Variants in ADCY6 observed in about 807,000 individuals in gnomAD.
ADCY6 encodes adenylate cyclase type 6.
Under a neutral mutation model 111.6 loss-of-function variants are expected in ADCY6, and 59 were observed. That is an observed-to-expected ratio of 0.53 (90% CI 0.43 to 0.66). The LOEUF (loss-of-function observed/expected upper bound fraction) is 0.66. Ranked by LOEUF, ADCY6 falls within the 30% of genes least tolerant of loss-of-function variation. The probability of loss-of-function intolerance (pLI) is 0.00; values close to 1 mark genes in which losing one functional copy is unlikely to be tolerated. For synonymous variants in ADCY6, 576 were observed against 642.9 expected (o/e 0.90, Z 1.57); for missense variants, 1,242 against 1,595.6 (o/e 0.78, Z 3.78).
Position 48,777,797 on chromosome 12 carries a change from TG to T in ADCY6, c.1015-62del, listed in dbSNP as rs1941743761. The stretch of plus-strand genomic sequence containing the variant: ...CTTGGTCTCACATTGCAATCCCTCC[TG>T]GTCTCTCCACATCGCCAGAGCCCTC... On this transcript the variant is annotated intron_variant, in intron 3 of 21. Transcript: ENST00000357869. This position sits in a 1 kb window ranked among gnomAD's most constrained non-coding sequence, Gnocchi z 4.9. The T allele has an allele frequency of 6.3e-7, 1 of 1,599,100 alleles. No individual in the cohort carries two copies. Among genetic ancestry groups the T allele is most frequent in the East Asian group, 2.2e-5 (1 of 44,752 alleles).
intron 18 of ADCY6, 32 bp from the exon 19 acceptor site, chr12:48,772,005 G>A (rs754307704): frequency 4.0e-5 from 63 of 1,584,202 alleles, no homozygotes; most frequent in Admixed American, 1.6e-4. Flanking sequence ...CCCATTGCCC[G>A]ACATTCACAA....
chr12:48,788,719 C>G (rs1012862463), intron 1 of ADCY6, among the ~76,000 whole-genome samples, 187 bp downstream of exon 1: 1 of 152,064 alleles, frequency 6.6e-6, no homozygotes, highest in Admixed American at 6.5e-5. Context: ...TAGGAGTCCT[C>G]GATCCCACTG....
Position 48,768,399 on chromosome 12 carries a change from C to G in ADCY6, c.*192G>C, listed in dbSNP as rs527658229. The G allele has an allele frequency of 1.3e-5, 10 of 742,644 alleles. No individual in the cohort carries two copies. The highest frequency in any genetic ancestry group is 1.1e-4 in the African/African-American group (6 of 56,680). 46.0% of individuals were successfully genotyped at this position (742,644 alleles called of 1,614,324 possible). On this transcript the variant is annotated 3_prime_UTR_variant, in exon 22 of 22. Transcript: ENST00000357869. ...AAGAAAGTCACTTGCATAATCCTCT[C>G]GGTAGGTAGCCCCTTGTTTTCCAGC...
Position 48,783,307 on chromosome 12 carries a change from T to A in ADCY6, c.128A>T (p.Tyr43Phe). The change falls in exon 2 of 22, where the codon TAT becomes TTT. Residue 43 changes from tyrosine (Y) to phenylalanine (F), a missense_variant. By Grantham distance (22) the Tyr-to-Phe change is conservative. This residue lies in a region of ADCY6 where 362 missense variants were observed against 377.2 expected (regional missense o/e 0.96). Transcript: ENST00000357869. The part of the protein sequence containing the change: ...TRAGGFCTPR[Y>F]MSCLRDAEPP... ...CTCTGCATCCCGGAGGCAGCTCATATAGCGGGGCGTGCAGAAGCCACCTGC... is the reference window on the plus strand; with the variant it reads ...CTCTGCATCCCGGAGGCAGCTCATAAAGCGGGGCGTGCAGAAGCCACCTGC... The A allele has an allele frequency of 6.2e-7, 1 of 1,613,558 alleles. No individual in the cohort carries two copies. Among genetic ancestry groups the A allele is most frequent in the Non-Finnish European group, 8.5e-7 (1 of 1,179,832 alleles).
rs1941904753 is a variant in ADCY6 at position 48,783,310 on chromosome 12, C to T, written c.125G>A (p.Arg42His). The change falls in exon 2 of 22, where the codon CGC (arginine) becomes CAC (histidine). Residue 42 changes from arginine (R) to histidine (H), a missense_variant. Arg to His is a conservative substitution (Grantham distance 29). Coordinates refer to ENST00000357869, the MANE Select transcript of ADCY6 (RefSeq NM_015270.5). ...GTRAGGFCTPRYMSCLRDAEP... is the reference protein window; with the variant it reads ...GTRAGGFCTPHYMSCLRDAEP... The stretch of plus-strand genomic sequence containing the variant: ...TGCATCCCGGAGGCAGCTCATATAG[C>T]GGGGCGTGCAGAAGCCACCTGCCCG... 3 of 1,613,562 alleles carry T rather than the reference C, an allele frequency of 1.9e-6. No individual in the cohort carries two copies. The highest frequency in any genetic ancestry group is 1.7e-6 in the Non-Finnish European group (2 of 1,179,844).
chr12:48,788,974 CCGGCCGTCCCGCGGT>C lies in ADCY6; in HGVS notation c.-88_-74del, dbSNP rs1334202504. On this transcript the variant is annotated 5_prime_UTR_variant, in exon 1 of 22. Transcript: ENST00000357869. ...GCCCCCGCGGGCTCCGGCCGGCCGG[CCGGCCGTCCCGCGGT>C]CCTCCGAGCCCGCGCGTCCTGGCCG... 1 of 140,836 alleles carries C rather than the reference CCGGCCGTCCCGCGGT, an allele frequency of 7.1e-6. No individual in the cohort carries two copies. The highest frequency in any genetic ancestry group is 7.0e-5 in the Admixed American group (1 of 14,336). The allele number at this position is 140,836 out of a possible 1,614,324, so 8.7% of individuals were successfully genotyped here.
Position 48,768,478 on chromosome 12 carries a change from T to C in ADCY6, c.*113A>G. The C allele has an allele frequency of 1.3e-6, 2 of 1,481,772 alleles. No individual in the cohort carries two copies. The highest frequency in any genetic ancestry group is 1.2e-5 in the South Asian group (1 of 86,594). 91.8% of individuals were successfully genotyped at this position (1,481,772 alleles called of 1,614,324 possible). ...CAGCCTGCTGGGATGTTCCCTTTTG[T>C]GGTTAGCAGGGTCTGGAGGCTCAGT... On this transcript the variant is annotated 3_prime_UTR_variant, in exon 22 of 22. Transcript: ENST00000357869.
rs934456174 is a variant in ADCY6, at chr12:48,768,662, G to A, written c.3436C>T (p.Arg1146Ter). ...LAAKGYQLEC[R>*]GVVKVKGKGE... ...TTGCCCTTCACCTTGACCACCCCTC[G>A]ACACTCCAGCTGGTAGCCCTTGGCA... The change falls in exon 22 of 22, where the codon CGA becomes TGA. Residue 1146 changes from arginine to a stop codon, truncating the protein, a stop_gained. Coordinates refer to ENST00000357869, the MANE Select transcript of ADCY6 (RefSeq NM_015270.5). LOFTEE classifies it high-confidence loss of function. 1.2e-6 allele frequency: 2 copies of A among 1,614,074 alleles called. No individual in the cohort carries two copies. The highest frequency in any genetic ancestry group is 1.7e-6 in the Non-Finnish European group (2 of 1,179,982).
intron 1 of ADCY6, among the ~76,000 whole-genome samples, chr12:48,787,993 C>T (rs1942011175): frequency 6.6e-6 from 1 of 152,202 alleles, no homozygotes; most frequent in Non-Finnish European, 1.5e-5. Context: ...CCCCTGCCCT[C>T]CTTGGCAAAA....
In ADCY6 at chr12:48,777,601, TACCCTC is replaced by T. The variant is rs765733839; in HGVS notation, c.1136+8_1136+13del. On this transcript the variant is annotated splice_region_variant and intron_variant, in intron 4 of 21. Transcript: ENST00000357869. The surrounding 1 kb of genome is among the most constrained non-coding windows in gnomAD (Gnocchi z 4.9). Reference sequence around the variant, plus strand: ...CCCCCCGCCCTGCTGGGCATCCTCCTACCCTCACCCTACCTGACATTGTCATGCTTC... The same window carrying T: ...CCCCCCGCCCTGCTGGGCATCCTCCTACCCTACCTGACATTGTCATGCTTC... 25 of 1,613,282 alleles carry T rather than the reference TACCCTC, an allele frequency of 1.5e-5. No homozygotes were observed. In the Admixed American group the frequency reaches 2.3e-4, roughly 15 times the overall value.
At position 48,768,489 on chromosome 12, in the gene ADCY6, G is replaced by A. The variant is rs991189108; in HGVS notation, c.*102C>T. On this transcript the variant is annotated 3_prime_UTR_variant, in exon 22 of 22. Coordinates refer to ENST00000357869, the MANE Select transcript of ADCY6 (RefSeq NM_015270.5). ...GATGTTCCCTTTTGTGGTTAGCAGG[G>A]TCTGGAGGCTCAGTGCCCCCTGCCA... is the stretch of plus-strand genomic sequence containing the variant. 2.5e-5 allele frequency: 39 copies of A among 1,541,744 alleles called. No individual in the cohort carries two copies. The East Asian group carries it at 8.1e-4, about 32-fold the overall frequency.
chr12:48,777,842 C>A lies in ADCY6; in HGVS notation c.1015-106G>T. On this transcript the variant is annotated intron_variant, in intron 3 of 21. Transcript: ENST00000357869. This position sits in a 1 kb window ranked among gnomAD's most constrained non-coding sequence, Gnocchi z 4.9. ...AGCCCTCCTAGACTTCTCTGAAGAC[C>A]TGACCTTCCCTTCTGGACTGTGGCC... 6.6e-7 allele frequency: 1 copy of A among 1,514,332 alleles called. No individual in the cohort carries two copies. Among genetic ancestry groups the A allele is most frequent in the Admixed American group, 1.9e-5 (1 of 53,712 alleles). 93.8% of individuals were successfully genotyped at this position (1,514,332 alleles called of 1,614,324 possible). A position where few individuals can be genotyped will look rare whatever the true frequency, so the allele number is the denominator to read the frequency against.
In ADCY6 at chr12:48,771,494, A is replaced by C. The variant is rs925267606; in HGVS notation, c.3051+216T>G. On this transcript the variant is annotated intron_variant, in intron 19 of 21. Transcript: ENST00000357869. The surrounding 1 kb of genome is among the most constrained non-coding windows in gnomAD (Gnocchi z 4.3). ...CAGATCAAGTCCTCCCCTGCTCCCC[A>C]ACAGTGATGACCCTGCCCCACTAGG... is the stretch of plus-strand genomic sequence containing the variant. The C allele has an allele frequency of 3.2e-5, 23 of 713,592 alleles. No individual in the cohort carries two copies. Among genetic ancestry groups the C allele is most frequent in the Admixed American group, 8.4e-5 (4 of 47,622 alleles). 44.2% of individuals were successfully genotyped at this position (713,592 alleles called of 1,614,324 possible). A position where few individuals can be genotyped will look rare whatever the true frequency, so the allele number is the denominator to read the frequency against.
chr12:48,778,104 C>T lies in ADCY6; in HGVS notation c.1014+4G>A, dbSNP rs776296300. 27 of 1,605,660 alleles carry T rather than the reference C, an allele frequency of 1.7e-5. No individual in the cohort carries two copies. The South Asian group carries it at 3.0e-4, about 18-fold the overall frequency. The stretch of plus-strand genomic sequence containing the variant: ...CAGGCCCTGGTCACGGGGAGCAGCC[C>T]CACCTGCTGCCGATTCTCATGCTGC... On this transcript the variant is annotated splice_donor_region_variant and intron_variant, in intron 3 of 21. Transcript: ENST00000357869.
chr12:48,777,594 A>G lies in ADCY6; in HGVS notation c.1136+21T>C, dbSNP rs1374511249. ...TTCCAGACCCCCCGCCCTGCTGGGCATCCTCCTACCCTCACCCTACCTGAC... is the reference window on the plus strand; with the variant it reads ...TTCCAGACCCCCCGCCCTGCTGGGCGTCCTCCTACCCTCACCCTACCTGAC... On this transcript the variant is annotated intron_variant, in intron 4 of 21. Coordinates refer to ENST00000357869, the MANE Select transcript of ADCY6 (RefSeq NM_015270.5). This position sits in a 1 kb window ranked among gnomAD's most constrained non-coding sequence, Gnocchi z 4.9. 3.7e-6 allele frequency: 6 copies of G among 1,613,058 alleles called. No homozygotes were observed. Among genetic ancestry groups the G allele is most frequent in the Non-Finnish European group, 1.7e-6 (2 of 1,179,992 alleles).
chr12:48,773,869 C>G, intron 15 of ADCY6, 71 bp downstream of exon 15: 1 of 1,573,378 alleles, frequency 6.4e-7, no homozygotes, highest in Admixed American at 1.8e-5. Flanking sequence ...CGCCCATCAC[C>G]AGGCCTGGCA....
chr12:48,777,657 A>T lies in ADCY6; in HGVS notation c.1094T>A (p.Met365Lys). 6.2e-7 allele frequency: 1 copy of T among 1,613,334 alleles called. No individual in the cohort carries two copies. The change falls in exon 4 of 22, where the codon ATG (methionine) becomes AAG (lysine). Residue 365 changes from methionine (M) to lysine (K), a missense_variant. Physicochemically the swap from Met to Lys is moderately conservative, Grantham distance 95. Transcript: ENST00000357869. The surrounding 1 kb of genome is among the most constrained non-coding windows in gnomAD (Gnocchi z 4.9). Reference sequence around the variant, plus strand: ...CTGTATGTAGATCTTGTGGAACATCATGTCTTCTTTTTTTGTGTTGATGTC... The same window carrying T: ...CTGTATGTAGATCTTGTGGAACATCTTGTCTTCTTTTTTTGTGTTGATGTC... The part of the protein sequence containing the change: ...KEDINTKKED[M>K]MFHKIYIQKH...
rs754844927 is a variant in ADCY6 at position 48,769,109 on chromosome 12, C to T, written c.3257-48G>A. The T allele has an allele frequency of 2.7e-6, 4 of 1,505,904 alleles. No individual in the cohort carries two copies. The South Asian group carries it at 4.2e-5, about 16-fold the overall frequency. The allele number at this position is 1,505,904 out of a possible 1,614,324, so 93.3% of individuals were successfully genotyped here. A position where few individuals can be genotyped will look rare whatever the true frequency, so the allele number is the denominator to read the frequency against. On this transcript the variant is annotated intron_variant, in intron 20 of 21. Coordinates refer to ENST00000357869, the MANE Select transcript of ADCY6 (RefSeq NM_015270.5). ...AGACTAGTGGATGCTCCAGGGTAAA[C>T]CCAGGGAGTCATCCCACCTCCTGGC...
chr12:48,776,321 T>TG lies in ADCY6; in HGVS notation c.1564dup (p.Gln522ProfsTer27). The TG allele has an allele frequency of 6.2e-7, 1 of 1,614,236 alleles. No individual in the cohort carries two copies. Among genetic ancestry groups the TG allele is most frequent in the South Asian group, 1.1e-5 (1 of 91,090 alleles). On this transcript the variant is annotated frameshift_variant, in exon 8 of 22. Coordinates refer to ENST00000357869, the MANE Select transcript of ADCY6 (RefSeq NM_015270.5). LOFTEE classifies it high-confidence loss of function. The surrounding 1 kb of genome is among the most constrained non-coding windows in gnomAD (Gnocchi z 6.1). ...CACCTCGTAGTCCCCGTTCAGGTAC[T>TG]GCAGTGTTGCCCGAGTGATGTGGAT...
Sources: gnomAD v4.1 joint callset for allele counts (sites outside exome capture counted in the v4.1 genomes callset) on GRCh38, gnomAD v4.1.1 for gene constraint, gnomAD v4.1.1 regional missense constraint, Gnocchi (gnomAD v3.1) non-coding constraint, MANE v1.5 for transcripts, NCBI Gene and HGNC (gene_info 2026-07-23, HGNC 2026-07-21) for gene names.